Variants in MAP2K4 observed in about 807,000 individuals in gnomAD.
The protein encoded by MAP2K4 is mitogen-activated protein kinase kinase 4, also known as dual specificity mitogen-activated protein kinase kinase 4.
A neutral mutation model predicts 48.5 loss-of-function variants in MAP2K4; 4 were observed. The observed-to-expected ratio is 0.08, with a 90% CI of 0.04 to 0.19. The LOEUF (loss-of-function observed/expected upper bound fraction) is 0.19. Ranked by LOEUF, MAP2K4 falls within the 10% of genes least tolerant of loss-of-function variation. The pLI is 1.00. For missense variants in MAP2K4, 258 were observed against 493.3 expected (o/e 0.52, Z 4.52); for synonymous variants, 166 against 173.1 (o/e 0.96, Z 0.32).
chr17:12,050,118 T>C (rs1443534312), intron 1 of MAP2K4, among the ~76,000 whole-genome samples: 6 of 152,138 alleles, frequency 3.9e-5, no homozygotes, highest in African/African-American at 1.4e-4. Context: ...GTGGGAGGAT[T>C]CTAGTGATTG....
At chr17:12,071,600 C>A (rs1970809962) in intron 2 of MAP2K4, among the ~76,000 whole-genome samples, 1 of 152,032 alleles carries the variant, frequency 6.6e-6, no homozygotes. Context: ...TCCAAAAAAA[C>A]AACAAAATGA....
intron 9 of MAP2K4, among the ~76,000 whole-genome samples, chr17:12,134,869 C>G (rs1406322271): frequency 6.6e-6 from 1 of 152,190 alleles, no homozygotes; most frequent in South Asian, 2.1e-4. Context: ...ACAACACTTG[C>G]ACTGAAACTA....
intron 2 of MAP2K4, among the ~76,000 whole-genome samples, chr17:12,066,233 A>C (rs1014331504): frequency 1.3e-5 from 2 of 152,000 alleles, no homozygotes; most frequent in African/African-American, 4.8e-5. Flanking sequence ...TTAAAAAATC[A>C]GTAGTACCTG....
At chr17:12,021,189 C>T in intron 1 of MAP2K4, 188 bp downstream of exon 1, 1 of 346,048 alleles carries the variant, frequency 2.9e-6, no homozygotes, top group Non-Finnish European at 5.1e-6. Context: ...ATCCGGGCTC[C>T]GGCCCGCATA....
intron 7 of MAP2K4, chr17:12,124,561 G>A (rs1972791301): frequency 6.6e-6 from 1 of 152,148 alleles, no homozygotes; most frequent in Non-Finnish European, 1.5e-5. Context: ...CAAATATATT[G>A]TGGTATGGCC....
At chr17:12,095,409 A>G (rs756042422) in intron 3 of MAP2K4, 166 bp from the exon 4 acceptor site, 43 of 740,596 alleles carry the variant, frequency 5.8e-5, no homozygotes, top group Non-Finnish European at 5.7e-5. Flanking sequence ...GATTAAAGTA[A>G]TTCTTGTGAA....
At chr17:12,082,375 GTGGCCATAC>G (rs1971221640) in intron 3 of MAP2K4, among the ~76,000 whole-genome samples, 1 of 152,194 alleles carries the variant, frequency 6.6e-6, no homozygotes, top group Non-Finnish European at 1.5e-5. Context: ...AAAGCTAGCT[GTGGCCATAC>G]CCTCTCTGAG....
chr17:12,067,013 G>C (rs1169452970), intron 2 of MAP2K4, among the ~76,000 whole-genome samples: 2 of 151,836 alleles, frequency 1.3e-5, no homozygotes, highest in Non-Finnish European at 2.9e-5. Context: ...GTAGAGATGG[G>C]GTTTCACCAT....
chr17:12,090,155 T>C (rs1971516078), intron 3 of MAP2K4, among the ~76,000 whole-genome samples: 1 of 152,202 alleles, frequency 6.6e-6, no homozygotes, highest in Admixed American at 6.5e-5. Flanking sequence ...TTATTTTCCC[T>C]TTCTCCCTGC....
chr17:12,126,768 G>C (rs979307014), intron 8 of MAP2K4, among the ~76,000 whole-genome samples: 2 of 152,166 alleles, frequency 1.3e-5, no homozygotes, highest in South Asian at 2.1e-4. Context: ...ACCAAATTTT[G>C]TTTTGAAGTC....
intron 9 of MAP2K4, among the ~76,000 whole-genome samples, chr17:12,135,057 T>C (rs1973159331): frequency 6.6e-6 from 1 of 152,050 alleles, no homozygotes; most frequent in African/African-American, 2.4e-5. Context: ...AATGTGCCAC[T>C]ACACCTGGCT....
At chr17:12,095,898 T>TGTGC (rs1341188294) in intron 4 of MAP2K4, among the ~76,000 whole-genome samples, 1 of 63,434 alleles carries the variant, frequency 1.6e-5, no homozygotes, top group Admixed American at 1.9e-4. Flanking sequence ...CGTGTGTTTG[T>TGTGC]GTGTGTGTGT....
At chr17:12,123,614 G>A (rs1365703085) in intron 7 of MAP2K4, among the ~76,000 whole-genome samples, 2 of 151,432 alleles carry the variant, frequency 1.3e-5, no homozygotes, top group African/African-American at 4.9e-5. Flanking sequence ...AATTCTTTAA[G>A]CTATAAAGTA....
rs1970965126 is a variant in MAP2K4 at position 12,075,290 on chromosome 17, G to C, written c.219-6066G>C. Among the ~76,000 whole-genome samples the C allele has an allele frequency of 3.3e-5, 5 of 152,320 alleles. 1 individual carries two copies. The South Asian group carries it at 1.0e-3, about 32-fold the overall frequency. ...GAGGAAAAGACATAACTAGGGACCTGAAAAGCAGTGGTAGAGTGAAATCCC... is the reference window on the plus strand; with the variant it reads ...GAGGAAAAGACATAACTAGGGACCTCAAAAGCAGTGGTAGAGTGAAATCCC... On this transcript the variant is annotated intron_variant, in intron 2 of 10. Transcript: ENST00000353533.
intron 3 of MAP2K4, among the ~76,000 whole-genome samples, chr17:12,087,093 C>T (rs1469031117): frequency 3.3e-5 from 5 of 152,026 alleles, no homozygotes; most frequent in South Asian, 2.1e-4. Context: ...GTGATCTGCC[C>T]GCCTCAGCCT....
intron 7 of MAP2K4, among the ~76,000 whole-genome samples, chr17:12,122,033 A>C (rs1444676751): frequency 6.6e-6 from 1 of 152,244 alleles, no homozygotes; most frequent in Non-Finnish European, 1.5e-5. Context: ...GGAAAATAAA[A>C]ACTTGGGACC....
chr17:12,120,492 A>C (rs1024075032), intron 7 of MAP2K4, among the ~76,000 whole-genome samples: 5 of 151,862 alleles, frequency 3.3e-5, no homozygotes, highest in Admixed American at 3.3e-4. Flanking sequence ...AAGGAAAAAA[A>C]CTAAAAAAAG....
At chr17:12,080,155 G>GT in intron 2 of MAP2K4, among the ~76,000 whole-genome samples, 1 of 152,274 alleles carries the variant, frequency 6.6e-6, no homozygotes, top group East Asian at 1.9e-4. Flanking sequence ...AAAGTTCTAA[G>GT]TTTTTTGGGA....
At chr17:12,060,579 T>C (rs964118047) in intron 2 of MAP2K4, among the ~76,000 whole-genome samples, 4 of 152,206 alleles carry the variant, frequency 2.6e-5, no homozygotes, top group African/African-American at 9.6e-5. Flanking sequence ...TTTTTTTCTG[T>C]CTCTGAAATT....
Sources: gnomAD v4.1 joint callset for allele counts (sites outside exome capture counted in the v4.1 genomes callset) on GRCh38, gnomAD v4.1.1 for gene constraint, MANE v1.5 for transcripts, NCBI Gene and HGNC (gene_info 2026-07-23, HGNC 2026-07-21) for gene names.